The following ANKRD17 variants were observed in gnomAD, a reference collection of about 807,000 sequenced individuals.
ANKRD17 encodes the protein ankyrin repeat domain 17.
In ANKRD17, 19 loss-of-function variants were observed where a neutral mutation model predicts 229.7. The observed-to-expected ratio is 0.08, with a 90% confidence interval of 0.06 to 0.12. The LOEUF is 0.12. Among genes scored for constraint, ANKRD17 ranks in the 10% least tolerant of loss-of-function variants. The pLI, the probability that ANKRD17 is intolerant of heterozygous loss-of-function variation, is 1.00. For synonymous variants in ANKRD17, 1,112 were observed against 1,146.1 expected (o/e 0.97, Z 0.60); for missense variants, 2,176 against 3,176.8 (o/e 0.68, Z 7.57).
chr4:73,154,613 T>G (rs1731401624), intron 5 of ANKRD17, among the ~76,000 whole-genome samples: 1 of 152,224 alleles, frequency 6.6e-6, no homozygotes, highest in Admixed American at 6.5e-5. Flanking sequence ...TTTCTAAATT[T>G]GAATTTGAAT....
Position 73,074,607 on chromosome 4 carries a change from C to T in ANKRD17, c.*1624G>A, listed in dbSNP as rs912924654. ...ATATGTTTGAGAAGTCATCTTTTTA[C>T]TCTTTACTCAGGCTTTACTCTTTAC... On this transcript the variant is annotated 3_prime_UTR_variant, in exon 34 of 34. Transcript: ENST00000358602. 1 of 151,836 alleles carries T rather than the reference C, an allele frequency of 6.6e-6. No individual in the cohort carries two copies. The highest frequency in any genetic ancestry group is 1.5e-5 in the Non-Finnish European group (1 of 67,792). 9.4% of individuals were successfully genotyped at this position (151,836 alleles called of 1,614,324 possible). A position where few individuals can be genotyped will look rare whatever the true frequency, so the allele number is the denominator to read the frequency against.
chr4:73,108,100 G>A (rs994449339), intron 24 of ANKRD17, among the ~76,000 whole-genome samples: 1 of 152,128 alleles, frequency 6.6e-6, no homozygotes, highest in Non-Finnish European at 1.5e-5. Flanking sequence ...AGGCTCAGGT[G>A]ATCCTCCCAC....
chr4:73,078,970 G>T, intron 30 of ANKRD17, 80 bp from the exon 31 acceptor site: 1 of 1,416,480 alleles, frequency 7.1e-7, no homozygotes, highest in Non-Finnish European at 9.5e-7. Flanking sequence ...TTAAAACCAG[G>T]AGATGTTTTA....
At chr4:73,170,982 T>A (rs1447084211) in intron 2 of ANKRD17, among the ~76,000 whole-genome samples, 1 of 152,140 alleles carries the variant, frequency 6.6e-6, no homozygotes, top group Non-Finnish European at 1.5e-5. Flanking sequence ...CAAGTCTGGC[T>A]GGCTTTGCCA....
chr4:73,227,012 C>A (rs1442234292), intron 1 of ANKRD17, among the ~76,000 whole-genome samples: 2 of 152,038 alleles, frequency 1.3e-5, no homozygotes, highest in African/African-American at 4.8e-5. Context: ...ATAATGTATC[C>A]CCTTTAATTC....
At chr4:73,148,381 C>T (rs1025495782) in intron 8 of ANKRD17, among the ~76,000 whole-genome samples, 6 of 152,266 alleles carry the variant, frequency 3.9e-5, no homozygotes, top group East Asian at 3.9e-4. Flanking sequence ...CTAATATGTG[C>T]GCATTCTTGC....
At chr4:73,248,661 A>G (rs546967615) in intron 1 of ANKRD17, among the ~76,000 whole-genome samples, 1 of 152,024 alleles carries the variant, frequency 6.6e-6, no homozygotes, top group Non-Finnish European at 1.5e-5. Context: ...ACTGAATTCT[A>G]TCATTGTGCT....
chr4:73,258,648 C>A lies in ANKRD17; in HGVS notation c.21G>T (p.Pro7=). 6.7e-7 allele frequency: 1 copy of A among 1,484,364 alleles called. No homozygotes were observed. 91.9% of individuals were successfully genotyped at this position (1,484,364 alleles called of 1,614,324 possible). A position where few individuals can be genotyped will look rare whatever the true frequency, so the allele number is the denominator to read the frequency against. Residue 7 remains proline (P), a synonymous_variant, in exon 1 of 34, where the codon CCG becomes CCT. Transcript: ENST00000358602. The part of the protein sequence containing the change: MEKATV[P]VAAATAAEGE... ...CTTCTGCAGCCGTCGCCGCCGCCAC[C>A]GGAACCGTCGCCTTCTCCATCCCCA...
rs1448567970 is a variant in ANKRD17 at position 73,129,929 on chromosome 4, A to AT, written c.3235-4618dup. Reference sequence around the variant, plus strand: ...AGGTGCCTGCCACCACGCCTGGCTAATTTTTTTTTGTATTTTTAGTAGAGA... The same window carrying AT: ...AGGTGCCTGCCACCACGCCTGGCTAATTTTTTTTTTGTATTTTTAGTAGAGA... On this transcript the variant is annotated intron_variant, in intron 16 of 33. Transcript: ENST00000358602. Among the ~76,000 whole-genome samples the AT allele has an allele frequency of 1.3e-3, 195 of 150,128 alleles. 1 individual carries two copies. The highest frequency in any genetic ancestry group is 4.2e-3 in the African/African-American group (173 of 40,910).
chr4:73,124,184 C>T (rs921457418), intron 18 of ANKRD17, among the ~76,000 whole-genome samples: 1 of 148,440 alleles, frequency 6.7e-6, no homozygotes, highest in Admixed American at 6.8e-5. Flanking sequence ...TCTGAATGAC[C>T]TAAGGTGCTT....
chr4:73,092,340 A>C (rs1722870866), intron 28 of ANKRD17, 40 bp from the exon 29 acceptor site: 1 of 1,516,812 alleles, frequency 6.6e-7, no homozygotes, highest in Non-Finnish European at 8.9e-7. Flanking sequence ...AATTTTCCCT[A>C]CTTTTGAGTA....
intron 11 of ANKRD17, among the ~76,000 whole-genome samples, chr4:73,143,293 C>T (rs992489822): frequency 6.6e-6 from 1 of 151,984 alleles, no homozygotes; most frequent in African/African-American, 2.4e-5. Context: ...CTAATTTATT[C>T]GTTTGTTGTT....
At chr4:73,223,073 T>C (rs1199369456) in intron 1 of ANKRD17, 10 of 1,533,052 alleles carry the variant, frequency 6.5e-6, no homozygotes, top group Admixed American at 3.9e-5. Flanking sequence ...GATTAGATCA[T>C]TGCCAGCAGG....
intron 28 of ANKRD17, among the ~76,000 whole-genome samples, chr4:73,092,904 A>T (rs914594585): frequency 2.0e-5 from 3 of 152,180 alleles, no homozygotes; most frequent in Non-Finnish European, 4.4e-5. Context: ...GATAGTGCCA[A>T]AAATAGCCAT....
chr4:73,193,095 A>T (rs943812364), intron 1 of ANKRD17, among the ~76,000 whole-genome samples: 2 of 152,202 alleles, frequency 1.3e-5, no homozygotes, highest in Non-Finnish European at 2.9e-5. Context: ...ATCATGTACC[A>T]CTACCTTTTG....
At chr4:73,193,266 G>C (rs1444256678) in intron 1 of ANKRD17, among the ~76,000 whole-genome samples, 1 of 152,184 alleles carries the variant, frequency 6.6e-6, no homozygotes, top group Non-Finnish European at 1.5e-5. Context: ...ATGGTGAACA[G>C]TACTTCATCA....
At chr4:73,184,719 TAAAG>T (rs1736065338) in intron 1 of ANKRD17, among the ~76,000 whole-genome samples, 1 of 151,808 alleles carries the variant, frequency 6.6e-6, no homozygotes. Context: ...AAATACACAA[TAAAG>T]AAAGGCAACT....
Position 73,076,306 on chromosome 4 carries a change from A to G in ANKRD17, c.7753-16T>C, listed in dbSNP as rs774591156. The G allele has an allele frequency of 6.4e-7, 1 of 1,564,964 alleles. No individual in the cohort carries two copies. Among genetic ancestry groups the G allele is most frequent in the Non-Finnish European group, 8.6e-7 (1 of 1,158,082 alleles). ...CAGTCCACACCTATGAATATAGAGC[A>G]TGCATTTTACAAAATATATATCTAG... On this transcript the variant is annotated splice_polypyrimidine_tract_variant and intron_variant, in intron 33 of 33. Transcript: ENST00000358602.
At chr4:73,094,983 C>A (rs1416871691) in intron 27 of ANKRD17, among the ~76,000 whole-genome samples, 1 of 151,878 alleles carries the variant, frequency 6.6e-6, no homozygotes, top group Non-Finnish European at 1.5e-5. Flanking sequence ...CCAGCCTGGC[C>A]AACATAGTGA....
Sources: allele counts gnomAD v4.1 joint callset (sites outside exome capture counted in the v4.1 genomes callset), GRCh38; gene constraint gnomAD v4.1.1; transcripts MANE v1.5; gene names NCBI Gene and HGNC (gene_info 2026-07-23, HGNC 2026-07-21).